Variants in ESR1 observed in about 807,000 individuals in gnomAD.
The protein encoded by ESR1 is estrogen receptor.
ESR1 carries 12 observed loss-of-function variants against 52.7 expected under a neutral mutation model. The ratio of observed to expected loss-of-function variants is 0.23; its 90% confidence interval spans 0.15 to 0.37. ESR1 has a LOEUF of 0.37. ESR1 is among the 10% of genes least tolerant of loss of function. The pLI, the probability that ESR1 is intolerant of heterozygous loss-of-function variation, is 1.00. For missense variants in ESR1, 584 were observed against 779.7 expected (o/e 0.75, Z 2.99); for synonymous variants, 305 against 316.8 (o/e 0.96, Z 0.39).
chr6:151,982,728 A>G (rs1488251908), intron 4 of ESR1, among the ~76,000 whole-genome samples: 4 of 152,032 alleles, frequency 2.6e-5, no homozygotes, highest in African/African-American at 9.7e-5. Flanking sequence ...TATATTCATT[A>G]ATTTTAATAA....
intron 2 of ESR1, among the ~76,000 whole-genome samples, chr6:151,724,846 C>T (rs1781723276): frequency 6.6e-6 from 1 of 152,164 alleles, no homozygotes; most frequent in African/African-American, 2.4e-5. Context: ...AGAGTTATTA[C>T]AGATGGTAAC....
intron 4 of ESR1, among the ~76,000 whole-genome samples, chr6:151,991,328 G>A (rs1024062533): frequency 1.1e-4 from 17 of 151,906 alleles, no homozygotes; most frequent in Admixed American, 3.9e-4. Context: ...ATTTGGTTTC[G>A]CATTTTATTT....
chr6:151,842,544 G>A, intron 1 of ESR1, 53 bp from the exon 2 acceptor site: 1 of 1,464,596 alleles, frequency 6.8e-7, no homozygotes, highest in Middle Eastern at 2.0e-4. Context: ...CTCCCAGAGA[G>A]TGCATGTTTT....
At chr6:152,013,363 T>C (rs2042930635) in intron 5 of ESR1, among the ~76,000 whole-genome samples, 3 of 152,160 alleles carry the variant, frequency 2.0e-5, no homozygotes, top group Admixed American at 6.6e-5. Context: ...GCCTACTGCC[T>C]GGAGTGTCTA....
In ESR1 at chr6:151,709,120, C is replaced by CA. The variant is rs575682655; in HGVS notation, c.-71+7116dup. Among the ~76,000 whole-genome samples, 37 of 152,226 alleles carry CA rather than the reference C, an allele frequency of 2.4e-4. No individual in the cohort carries two copies. The South Asian group carries it at 7.5e-3, about 31-fold the overall frequency. ...CTTTGACCAATGTCTTTCCAACCCTCACCTCCCACCCCTCTGCCCGACACT... is the reference window on the plus strand; with the variant it reads ...CTTTGACCAATGTCTTTCCAACCCTCAACCTCCCACCCCTCTGCCCGACACT... On this transcript the variant is annotated intron_variant, in intron 2 of 2. Coordinates refer to the ESR1 transcript ENST00000404742.
At chr6:151,740,383 G>T (rs1016524501) in intron 2 of ESR1, among the ~76,000 whole-genome samples, 1 of 141,376 alleles carries the variant, frequency 7.1e-6, no homozygotes, top group Non-Finnish European at 1.5e-5. Flanking sequence ...TGATCTACCT[G>T]CCTCGGCCTC....
intron 2 of ESR1, among the ~76,000 whole-genome samples, chr6:151,868,858 G>C (rs1040179992): frequency 8.5e-5 from 13 of 152,076 alleles, no homozygotes; most frequent in Non-Finnish European, 1.9e-4. Context: ...AGTTAATTTG[G>C]GGGGACTCCT....
At chr6:152,063,763 C>T (rs1464307528) in intron 6 of ESR1, among the ~76,000 whole-genome samples, 1 of 152,230 alleles carries the variant, frequency 6.6e-6, no homozygotes, top group East Asian at 1.9e-4. Flanking sequence ...AAGCTGGAAA[C>T]GGCTCAGGAA....
chr6:151,916,148 G>T (rs901939998), intron 3 of ESR1, among the ~76,000 whole-genome samples: 1 of 152,184 alleles, frequency 6.6e-6, no homozygotes, highest in Non-Finnish European at 1.5e-5. Context: ...ATCAGATGGG[G>T]TGAGATATTT....
chr6:151,721,195 G>A (rs1405556717), intron 2 of ESR1, among the ~76,000 whole-genome samples: 1 of 152,154 alleles, frequency 6.6e-6, no homozygotes. Context: ...TTATCTGAAG[G>A]ACTAATGCAA....
At chr6:151,766,863 T>G (rs1785098650) in intron 2 of ESR1, among the ~76,000 whole-genome samples, 1 of 152,186 alleles carries the variant, frequency 6.6e-6, no homozygotes, top group Non-Finnish European at 1.5e-5. Flanking sequence ...TAATCTGCAT[T>G]GCAATTTTTT....
chr6:151,754,424 AATG>A (rs1296400128), intron 2 of ESR1, among the ~76,000 whole-genome samples: 1 of 152,078 alleles, frequency 6.6e-6, no homozygotes, highest in Non-Finnish European at 1.5e-5. Flanking sequence ...GACAATCGGA[AATG>A]ATAAGAATTT....
intron 2 of ESR1, among the ~76,000 whole-genome samples, chr6:151,769,848 TA>T (rs1399250142): frequency 6.6e-6 from 1 of 152,060 alleles, no homozygotes; most frequent in Non-Finnish European, 1.5e-5. Context: ...TATGATGGCA[TA>T]ATGGTATATG....
At chr6:152,029,557 T>C (rs1390850405) in intron 5 of ESR1, among the ~76,000 whole-genome samples, 1 of 152,034 alleles carries the variant, frequency 6.6e-6, no homozygotes, top group Non-Finnish European at 1.5e-5. Flanking sequence ...GAAGATCAAA[T>C]GAATGAAATG....
chr6:152,057,508 A>C (rs1324207910), intron 5 of ESR1, among the ~76,000 whole-genome samples: 1 of 152,182 alleles, frequency 6.6e-6, no homozygotes, highest in African/African-American at 2.4e-5. Flanking sequence ...ACTGCTTAGA[A>C]AAGTGCAGCT....
chr6:151,782,329 T>A (rs1786624450), intron 2 of ESR1, among the ~76,000 whole-genome samples: 1 of 152,240 alleles, frequency 6.6e-6, no homozygotes, highest in Non-Finnish European at 1.5e-5. Context: ...TTTTATAATC[T>A]CATTTTCTTA....
At chr6:151,845,735 G>A (rs1245619968) in intron 2 of ESR1, among the ~76,000 whole-genome samples, 1 of 152,114 alleles carries the variant, frequency 6.6e-6, no homozygotes, top group Non-Finnish European at 1.5e-5. Flanking sequence ...ACTTATCTTA[G>A]GCTTTTAAAA....
chr6:151,701,418 A>G (rs991297145), intron 1 of ESR1, among the ~76,000 whole-genome samples: 1 of 151,034 alleles, frequency 6.6e-6, no homozygotes, highest in African/African-American at 2.4e-5. Flanking sequence ...AGTCCCAGCT[A>G]CTTGGGAGGC....
At chr6:151,713,558 T>C (rs992283966) in intron 2 of ESR1, among the ~76,000 whole-genome samples, 25 of 152,196 alleles carry the variant, frequency 1.6e-4, no homozygotes, top group African/African-American at 5.5e-4. Flanking sequence ...CTTCCTGGTT[T>C]AGTCTTGGGA....
Sources: allele counts gnomAD v4.1 joint callset (sites outside exome capture counted in the v4.1 genomes callset), GRCh38; gene constraint gnomAD v4.1.1; transcripts MANE v1.5; gene names NCBI Gene and HGNC (gene_info 2026-07-23, HGNC 2026-07-21).